PPARGC1A: variants seen among roughly 807,000 people sequenced by gnomAD.
PPARGC1A encodes the protein peroxisome proliferator-activated receptor gamma coactivator 1-alpha.
Under a neutral mutation model 88.7 loss-of-function variants are expected in PPARGC1A, and 25 were observed. The observed-to-expected ratio is 0.28, with a 90% CI of 0.21 to 0.39. The LOEUF (loss-of-function observed/expected upper bound fraction) is 0.39. Ranked by LOEUF, PPARGC1A falls within the 10% of genes least tolerant of loss-of-function variation. The pLI is 1.00. For missense variants in PPARGC1A, 880 were observed against 968.7 expected, an observed-to-expected ratio of 0.91 and a Z score of 1.22; for synonymous variants, 363 against 355.6, an observed-to-expected ratio of 1.02 and a Z score of -0.24.
At chr4:24,351,895 T>C in the PPARGC1A span, among the ~76,000 whole-genome samples, 5 of 152,216 alleles carry the variant, frequency 3.3e-5, no homozygotes, top group East Asian at 9.7e-4. Context: ...GGTGTTCTTT[T>C]TTTATTTCAG....
the PPARGC1A span, among the ~76,000 whole-genome samples, chr4:23,917,865 A>G: frequency 6.6e-6 from 1 of 152,228 alleles, no homozygotes; most frequent in South Asian, 2.1e-4. Context: ...AAACAAGCAA[A>G]TCAATATCGC....
the PPARGC1A span, among the ~76,000 whole-genome samples, chr4:24,436,940 C>CACA: frequency 2.0e-5 from 3 of 152,198 alleles, no homozygotes; most frequent in African/African-American, 7.2e-5. Context: ...GAGCCCAGGT[C>CACA]GCACCCAGGA....
chr4:23,824,111 T>G lies in PPARGC1A; in HGVS notation c.877+169A>C, dbSNP rs1723484017. Among the ~76,000 whole-genome samples the G allele has an allele frequency of 3.9e-5, 6 of 152,138 alleles. No individual in the cohort carries two copies. The South Asian group carries it at 1.2e-3, about 31-fold the overall frequency. ...AGCGCTTCAATATTTTTTATTAGTT[T>G]TTTTTTTTTAAATAAACAACTGGAA... On this transcript the variant is annotated intron_variant, in intron 7 of 12. Transcript: ENST00000264867.
the PPARGC1A span, among the ~76,000 whole-genome samples, chr4:24,267,881 C>G: frequency 6.6e-6 from 1 of 152,106 alleles, no homozygotes; most frequent in Non-Finnish European, 1.5e-5. Context: ...AGGGCACCAT[C>G]TGTATTTATA....
the PPARGC1A span, among the ~76,000 whole-genome samples, chr4:24,307,085 T>C: frequency 4.6e-5 from 7 of 152,378 alleles, no homozygotes; most frequent in African/African-American, 1.7e-4. Context: ...TTAATTCTTC[T>C]ATTTAAAAAT....
the PPARGC1A span, among the ~76,000 whole-genome samples, chr4:24,217,576 G>A: frequency 1.3e-5 from 2 of 152,156 alleles, no homozygotes; most frequent in African/African-American, 4.8e-5. Flanking sequence ...GCCGAGGCAG[G>A]CAGATCACCT....
chr4:24,130,247 G>A, the PPARGC1A span, among the ~76,000 whole-genome samples: 2 of 152,174 alleles, frequency 1.3e-5, no homozygotes, highest in Non-Finnish European at 2.9e-5. Context: ...GCTCACAACA[G>A]CCACTGAGGT....
chr4:23,806,472 T>C (rs1719826346), intron 10 of PPARGC1A, among the ~76,000 whole-genome samples: 1 of 152,228 alleles, frequency 6.6e-6, no homozygotes, highest in Non-Finnish European at 1.5e-5. Context: ...AAATGCTTAA[T>C]GACATTTTCA....
chr4:23,868,684 T>C (rs1035686391), intron 2 of PPARGC1A, among the ~76,000 whole-genome samples: 4 of 152,206 alleles, frequency 2.6e-5, no homozygotes, highest in African/African-American at 9.6e-5. Context: ...CAACAAAAAT[T>C]CACTTTGTGC....
intron 4 of PPARGC1A, 63 bp from the exon 5 acceptor site, chr4:23,828,667 G>T: frequency 6.8e-7 from 1 of 1,477,688 alleles, no homozygotes. Flanking sequence ...AATGGATATA[G>T]GTTTTCTGGA....
At chr4:23,911,694 G>A in the PPARGC1A span, among the ~76,000 whole-genome samples, 1 of 152,130 alleles carries the variant, frequency 6.6e-6, no homozygotes, top group African/African-American at 2.4e-5. Flanking sequence ...TAGAGAAATT[G>A]TGATAAGTCA....
chr4:23,986,143 C>T, the PPARGC1A span, among the ~76,000 whole-genome samples: 1 of 151,900 alleles, frequency 6.6e-6, no homozygotes, highest in East Asian at 1.9e-4. Context: ...TCAGTGCCAA[C>T]GTGAAAATTA....
At chr4:24,387,766 G>GAAAGAAAGAAAGAA in the PPARGC1A span, among the ~76,000 whole-genome samples, 46 of 52,058 alleles carry the variant, frequency 8.8e-4, 1 homozygote, top group East Asian at 2.6e-3. Flanking sequence ...GAGAGAGAGA[G>GAAAGAAAGAAAGAA]AGAAAGAAAG....
chr4:24,095,495 T>A, the PPARGC1A span, among the ~76,000 whole-genome samples: 2 of 151,998 alleles, frequency 1.3e-5, no homozygotes, highest in African/African-American at 4.8e-5. Context: ...CCAATATGAT[T>A]GATGTCCTTA....
chr4:24,252,013 T>A, the PPARGC1A span, among the ~76,000 whole-genome samples: 1 of 152,220 alleles, frequency 6.6e-6, no homozygotes, highest in Non-Finnish European at 1.5e-5. Flanking sequence ...CTAATAATAC[T>A]TTATTACTAT....
chr4:24,106,365 G>A, the PPARGC1A span, among the ~76,000 whole-genome samples: 3 of 152,054 alleles, frequency 2.0e-5, no homozygotes, highest in Non-Finnish European at 4.4e-5. Context: ...AAATGAAGAG[G>A]GCATGAAAAG....
chr4:23,844,704 ATAATATATGATATATAT>A (rs1234380819), intron 2 of PPARGC1A, among the ~76,000 whole-genome samples: 1 of 99,282 alleles, frequency 1.0e-5, no homozygotes, highest in Admixed American at 1.8e-4. Context: ...ATGATCTATC[ATAATATATGATATATAT>A]TATTATAATA....
At chr4:23,982,696 C>T in the PPARGC1A span, among the ~76,000 whole-genome samples, 960 of 152,280 alleles carry the variant, frequency 6.3e-3, 10 homozygotes, top group African/African-American at 0.022. Context: ...TCAGCTGCTT[C>T]ACCTGAAATA....
At chr4:24,070,592 T>C in the PPARGC1A span, among the ~76,000 whole-genome samples, 2 of 152,114 alleles carry the variant, frequency 1.3e-5, no homozygotes, top group South Asian at 4.1e-4. Context: ...GACTGAAAAG[T>C]GGCAATTCAT....
Sources: gnomAD v4.1 joint callset for allele counts (sites outside exome capture counted in the v4.1 genomes callset) on GRCh38, gnomAD v4.1.1 for gene constraint, MANE v1.5 for transcripts, NCBI Gene and HGNC (gene_info 2026-07-23, HGNC 2026-07-21) for gene names.